Variants in SLC9B1 observed in about 807,000 individuals in gnomAD.
SLC9B1 encodes solute carrier family 9 member B1.
SLC9B1 carries 32 observed loss-of-function variants against 51.7 expected under a neutral mutation model. The observed-to-expected ratio is 0.62, with a 90% CI of 0.47 to 0.83. The LOEUF (loss-of-function observed/expected upper bound fraction) is 0.83, where lower values mean the gene tolerates loss of function less well. SLC9B1 is among the 40% of genes least tolerant of loss of function. SLC9B1 has a pLI of 0.00. For synonymous variants in SLC9B1, 145 were observed against 212.7 expected (o/e 0.68, Z 2.77); for missense variants, 406 against 613.2 (o/e 0.66, Z 3.57).
At chr4:103,016,095 T>C (rs954114534) in intron 1 of SLC9B1, among the ~76,000 whole-genome samples, 12 of 132,174 alleles carry the variant, frequency 9.1e-5, no homozygotes, top group Non-Finnish European at 1.4e-4. Flanking sequence ...GATTGCTCCA[T>C]TGCACTGTAG....
intron 3 of SLC9B1, among the ~76,000 whole-genome samples, chr4:102,974,510 GT>G (rs1738954214): frequency 6.6e-6 from 1 of 152,014 alleles, no homozygotes; most frequent in Non-Finnish European, 1.5e-5. Flanking sequence ...AAAAAATAAA[GT>G]GAATACTATA....
Position 102,954,841 on chromosome 4 carries a change from T to C in SLC9B1, c.212-5414A>G, listed in dbSNP as rs184221612. Reference sequence around the variant, plus strand: ...TGTAACACATTACTAATGAAAATTGTTAATCAGAGGATATAAAGATAAGGT... The same window carrying C: ...TGTAACACATTACTAATGAAAATTGCTAATCAGAGGATATAAAGATAAGGT... On this transcript the variant is annotated intron_variant, in intron 3 of 11. Transcript: ENST00000296422. Among the ~76,000 whole-genome samples the C allele has an allele frequency of 3.2e-3, 489 of 152,286 alleles. 7 individuals carry two copies. The highest frequency in any genetic ancestry group is 2.1e-3 in the Non-Finnish European group (140 of 68,002).
intron 7 of SLC9B1, among the ~76,000 whole-genome samples, chr4:102,912,658 A>G (rs1164501339): frequency 6.6e-6 from 1 of 152,164 alleles, no homozygotes; most frequent in African/African-American, 2.4e-5. Context: ...AGGCAGAAGG[A>G]TTGCTTGAGC....
intron 1 of SLC9B1, among the ~76,000 whole-genome samples, chr4:103,012,072 A>G (rs1229042306): frequency 6.6e-6 from 1 of 152,162 alleles, no homozygotes; most frequent in African/African-American, 2.4e-5. Context: ...AAAAATTTCC[A>G]ATTCTTTAAG....
chr4:102,944,752 A>G (rs1737183691), intron 6 of SLC9B1, among the ~76,000 whole-genome samples: 1 of 152,256 alleles, frequency 6.6e-6, no homozygotes, highest in African/African-American at 2.4e-5. Context: ...ATATACGGCA[A>G]GAGTTTTTGT....
chr4:103,015,414 A>G (rs1203307087), intron 1 of SLC9B1, among the ~76,000 whole-genome samples: 1 of 152,120 alleles, frequency 6.6e-6, no homozygotes, highest in African/African-American at 2.4e-5. Context: ...GAAAGTCAAG[A>G]TATCTGGGCT....
At chr4:102,951,556 A>G (rs938501826) in intron 3 of SLC9B1, among the ~76,000 whole-genome samples, 13 of 152,014 alleles carry the variant, frequency 8.6e-5, no homozygotes, top group Non-Finnish European at 1.8e-4. Context: ...ATTAAATAGA[A>G]CATCTAGAAA....
chr4:102,981,037 C>T (rs1578398775), intron 3 of SLC9B1, among the ~76,000 whole-genome samples: 1 of 152,254 alleles, frequency 6.6e-6, no homozygotes, highest in East Asian at 1.9e-4. Flanking sequence ...AACCACTGAT[C>T]TTTTTACTGT....
chr4:102,913,862 T>A (rs779136204), intron 7 of SLC9B1, among the ~76,000 whole-genome samples: 1 of 148,544 alleles, frequency 6.7e-6, no homozygotes, highest in Non-Finnish European at 1.5e-5. Flanking sequence ...AACAGCTCAA[T>A]TGAAAAATTC....
At chr4:102,919,977 G>C (rs1301471762) in intron 7 of SLC9B1, among the ~76,000 whole-genome samples, 1 of 152,236 alleles carries the variant, frequency 6.6e-6, no homozygotes, top group South Asian at 2.1e-4. Context: ...TGTGGGCAGG[G>C]ATAGCTGAAC....
chr4:102,897,758 G>A (rs754384920), downstream of SLC9B1: 17 of 480,992 alleles, frequency 3.5e-5, no homozygotes, highest in Non-Finnish European at 7.0e-5. Context: ...CAGCTTCCAC[G>A]AGTCATGTCA....
intron 3 of SLC9B1, among the ~76,000 whole-genome samples, chr4:102,958,349 TG>T (rs1456805529): frequency 6.6e-6 from 1 of 152,210 alleles, no homozygotes; most frequent in East Asian, 1.9e-4. Context: ...GTAAGCTTCC[TG>T]AAGCCTTCCC....
intron 3 of SLC9B1, among the ~76,000 whole-genome samples, chr4:102,984,402 C>T (rs1166171855): frequency 6.6e-6 from 1 of 152,166 alleles, no homozygotes; most frequent in Non-Finnish European, 1.5e-5. Flanking sequence ...AGGTGTGAGC[C>T]AACATGTCTG....
At chr4:102,988,536 C>T (rs1055241127) in intron 3 of SLC9B1, among the ~76,000 whole-genome samples, 1 of 152,126 alleles carries the variant, frequency 6.6e-6, no homozygotes, top group Non-Finnish European at 1.5e-5. Flanking sequence ...TTCCATGATG[C>T]GGCAGAGTGG....
rs567798176 is a variant in SLC9B1, at chr4:102,938,696, T to C, written c.654-6397A>G. ...CCACACTCTTGGACCCGCAGTGTAA[T>C]AAAAATAGAAGTCAACACTAAGACG... On this transcript the variant is annotated intron_variant, in intron 6 of 11. Transcript: ENST00000296422. Among the ~76,000 whole-genome samples the C allele has an allele frequency of 3.3e-5, 5 of 152,152 alleles. No individual in the cohort carries two copies. The East Asian group carries it at 9.7e-4, about 29-fold the overall frequency.
At chr4:102,929,610 T>A (rs1736352903) in intron 7 of SLC9B1, among the ~76,000 whole-genome samples, 2 of 152,222 alleles carry the variant, frequency 1.3e-5, no homozygotes, top group Admixed American at 1.3e-4. Flanking sequence ...AACCTCTGCC[T>A]CTTGGGTTCA....
intron 3 of SLC9B1, among the ~76,000 whole-genome samples, chr4:102,960,127 T>C (rs1202625549): frequency 9.9e-5 from 15 of 151,890 alleles, no homozygotes; most frequent in Non-Finnish European, 1.6e-4. Flanking sequence ...AGAAAACATA[T>C]ATGCACTGGG....
At chr4:102,957,238 A>G (rs1737856328) in intron 3 of SLC9B1, among the ~76,000 whole-genome samples, 2 of 152,220 alleles carry the variant, frequency 1.3e-5, no homozygotes, top group African/African-American at 4.8e-5. Context: ...GAAGAGAGAG[A>G]TAAGAGGGCA....
chr4:102,893,312 G>GAA (rs1042884160), intron 11 of SLC9B1, among the ~76,000 whole-genome samples: 10 of 111,142 alleles, frequency 9.0e-5, no homozygotes, highest in Non-Finnish European at 1.9e-4. Context: ...AAAAGAAAAA[G>GAA]AAAAAAGAAA....
Sources: gnomAD v4.1 joint callset for allele counts (sites outside exome capture counted in the v4.1 genomes callset) on GRCh38, gnomAD v4.1.1 for gene constraint, MANE v1.5 for transcripts, NCBI Gene and HGNC (gene_info 2026-07-23, HGNC 2026-07-21) for gene names.